AGO3: variants seen among roughly 807,000 people sequenced by gnomAD.
The protein encoded by AGO3 is protein argonaute-3.
Under a neutral mutation model 105.5 loss-of-function variants are expected in AGO3, and 16 were observed. That is an observed-to-expected ratio of 0.15 (90% CI 0.10 to 0.23). The LOEUF (loss-of-function observed/expected upper bound fraction) is 0.23. AGO3 is among the 10% of genes least tolerant of loss of function. The probability of loss-of-function intolerance (pLI) is 1.00; values close to 1 mark genes in which losing one functional copy is unlikely to be tolerated. For missense variants in AGO3, 534 were observed against 1,088.0 expected, an observed-to-expected ratio of 0.49 and a Z score of 7.16; for synonymous variants, 340 against 367.3, an observed-to-expected ratio of 0.93 and a Z score of 0.85.
intron 2 of AGO3, among the ~76,000 whole-genome samples, chr1:35,964,479 G>A (rs1646737771): frequency 6.6e-6 from 1 of 152,118 alleles, no homozygotes; most frequent in African/African-American, 2.4e-5. Flanking sequence ...TGACTGCATA[G>A]TATTCCATGG....
chr1:35,959,353 A>G (rs1370253788), intron 2 of AGO3, among the ~76,000 whole-genome samples: 1 of 152,160 alleles, frequency 6.6e-6, no homozygotes, highest in African/African-American at 2.4e-5. Context: ...TGAAGTTATT[A>G]CCAATTATTC....
chr1:35,965,865 G>A (rs1452648703), intron 2 of AGO3, among the ~76,000 whole-genome samples: 1 of 109,740 alleles, frequency 9.1e-6, no homozygotes, highest in Admixed American at 1.2e-4. Context: ...TGCTCTTGTT[G>A]CCCAGGCTGG....
At chr1:35,967,313 AT>A (rs965669031) in intron 3 of AGO3, among the ~76,000 whole-genome samples, 7 of 151,776 alleles carry the variant, frequency 4.6e-5, no homozygotes, top group Admixed American at 2.0e-4. Context: ...CCTTTGTTTT[AT>A]TTTTTTTCTT....
intron 5 of AGO3, among the ~76,000 whole-genome samples, chr1:36,000,990 C>T (rs1640057484): frequency 6.6e-6 from 1 of 152,160 alleles, no homozygotes; most frequent in African/African-American, 2.4e-5. Context: ...AATCCCAGCA[C>T]TTTGGGAGGC....
intron 17 of AGO3, among the ~76,000 whole-genome samples, chr1:36,050,086 G>A (rs944881901): frequency 1.1e-4 from 17 of 152,150 alleles, no homozygotes; most frequent in African/African-American, 3.4e-4. Context: ...TATATACAAA[G>A]CATTTCATCC....
intron 2 of AGO3, among the ~76,000 whole-genome samples, chr1:35,957,014 GTA>G (rs1646579358): frequency 6.6e-6 from 1 of 151,872 alleles, no homozygotes; most frequent in Admixed American, 6.6e-5. Flanking sequence ...AAAGCCAGGC[GTA>G]TAGAGACTGA....
rs749709370 is a variant in AGO3 at position 35,950,050 on chromosome 1, G to A, written c.191+4187G>A. ...ATCCTGGCCAACATGGTGAAACCCC[G>A]TCTCTACTAAAAGTACAAAAATTAG... On this transcript the variant is annotated intron_variant, in intron 2 of 18. Transcript: ENST00000373191. 4.9e-4 allele frequency among the ~76,000 whole-genome samples: 75 copies of A among 152,116 alleles called. 1 individual carries two copies. Among genetic ancestry groups the A allele is most frequent in the Non-Finnish European group, 8.2e-4 (56 of 67,966 alleles).
chr1:36,011,923 T>C (rs1220407616), intron 9 of AGO3, among the ~76,000 whole-genome samples: 2 of 152,238 alleles, frequency 1.3e-5, no homozygotes, highest in Non-Finnish European at 2.9e-5. Flanking sequence ...AAGTACATCA[T>C]GCAGCAAGTC....
At chr1:36,018,414 T>C (rs933371140) in intron 11 of AGO3, among the ~76,000 whole-genome samples, 10 of 152,236 alleles carry the variant, frequency 6.6e-5, no homozygotes, top group African/African-American at 2.4e-4. Flanking sequence ...AGGCGTAAAC[T>C]TCTCTGTGTG....
chr1:35,999,083 T>G (rs1054629925), intron 5 of AGO3, among the ~76,000 whole-genome samples: 2 of 152,208 alleles, frequency 1.3e-5, no homozygotes, highest in African/African-American at 4.8e-5. Flanking sequence ...CTGGGCACGG[T>G]GGCTCATGCC....
At position 36,060,322 on chromosome 1, in the gene AGO3, T is replaced by C. The variant is rs1308534996; in HGVS notation, c.*4577T>C. The C allele has an allele frequency of 2.0e-5, 3 of 152,240 alleles. No homozygotes were observed. Among genetic ancestry groups the C allele is most frequent in the Non-Finnish European group, 4.4e-5 (3 of 68,058 alleles). The allele number at this position is 152,240 out of a possible 1,614,324, so 9.4% of individuals were successfully genotyped here. ...AAGGCATGTCTAGGGAAATAAAACC[T>C]GACTTGCCCTTCAGCAGGAATGACT... On this transcript the variant is annotated 3_prime_UTR_variant, in exon 19 of 19. Transcript: ENST00000373191.
Position 36,002,006 on chromosome 1 carries a change from TA to T in AGO3, c.659-2329del, listed in dbSNP as rs562695947. On this transcript the variant is annotated intron_variant, in intron 5 of 18. Transcript: ENST00000373191. ...TAAAGATAAAAATGTTTTCTCGTAG[TA>T]AAAAATATGTTAAAAAAAATTTTTT... is the stretch of plus-strand genomic sequence containing the variant. 2.5e-3 allele frequency among the ~76,000 whole-genome samples: 383 copies of T among 152,318 alleles called. 2 individuals are homozygous for T. The highest frequency in any genetic ancestry group is 4.2e-3 in the Admixed American group (64 of 15,296).
At chr1:35,970,330 C>T (rs1335776530) in intron 3 of AGO3, among the ~76,000 whole-genome samples, 3 of 152,130 alleles carry the variant, frequency 2.0e-5, no homozygotes, top group African/African-American at 7.2e-5. Context: ...AGTTCACACC[C>T]GATTCTTCCA....
intron 5 of AGO3, among the ~76,000 whole-genome samples, chr1:35,978,887 A>G (rs1646999551): frequency 6.6e-6 from 1 of 152,206 alleles, no homozygotes; most frequent in East Asian, 1.9e-4. Context: ...TCTAATATGT[A>G]GTATTTTTAT....
At chr1:36,018,231 C>G (rs1477028886) in intron 11 of AGO3, among the ~76,000 whole-genome samples, 1 of 151,982 alleles carries the variant, frequency 6.6e-6, no homozygotes, top group African/African-American at 2.4e-5. Context: ...CTCGGCCTCC[C>G]AAACTGCTGA....
chr1:35,992,941 G>C (rs1408262571), intron 5 of AGO3, among the ~76,000 whole-genome samples: 1 of 152,162 alleles, frequency 6.6e-6, no homozygotes, highest in African/African-American at 2.4e-5. Flanking sequence ...GGAGGCCTCA[G>C]TTCCTTGCCA....
intron 1 of AGO3, among the ~76,000 whole-genome samples, chr1:35,936,344 G>T (rs1048902675): frequency 2.0e-5 from 3 of 152,090 alleles, no homozygotes; most frequent in Non-Finnish European, 4.4e-5. Context: ...GGCATTTTGT[G>T]GTTTGGTTAT....
intron 11 of AGO3, among the ~76,000 whole-genome samples, chr1:36,019,850 C>G (rs140202234): frequency 6.6e-6 from 1 of 152,276 alleles, no homozygotes; most frequent in East Asian, 1.9e-4. Flanking sequence ...CTCACTGCAA[C>G]TTCCACCTCC....
intron 1 of AGO3, among the ~76,000 whole-genome samples, chr1:35,938,183 G>A (rs1222313474): frequency 6.6e-6 from 1 of 151,916 alleles, no homozygotes; most frequent in Admixed American, 6.6e-5. Flanking sequence ...GTTTCACCAT[G>A]TTAGTCAGGC....
Sources: gnomAD v4.1 joint callset for allele counts (sites outside exome capture counted in the v4.1 genomes callset) on GRCh38, gnomAD v4.1.1 for gene constraint, MANE v1.5 for transcripts, NCBI Gene and HGNC (gene_info 2026-07-23, HGNC 2026-07-21) for gene names.